ACOXL: variants seen among roughly 807,000 people sequenced by gnomAD.
ACOXL encodes acyl-coenzyme A oxidase-like protein.
In ACOXL, 70 loss-of-function variants were observed where a neutral mutation model predicts 71.9. The ratio of observed to expected loss-of-function variants is 0.97; its 90% CI spans 0.80 to 1.19. The LOEUF (loss-of-function observed/expected upper bound fraction) is 1.19. Among genes scored for constraint, ACOXL ranks in the 50% most tolerant of loss-of-function variants. The pLI, the probability that ACOXL is intolerant of heterozygous loss-of-function variation, is 0.00. For synonymous variants in ACOXL, 253 were observed against 281.6 expected, an observed-to-expected ratio of 0.90 and a Z score of 1.02; for missense variants, 703 against 736.3, an observed-to-expected ratio of 0.95 and a Z score of 0.52.
rs147563699 is a variant in ACOXL at position 110,770,948 on chromosome 2, C to G, written c.75+2484C>G. Among the ~76,000 whole-genome samples the G allele has an allele frequency of 2.5e-3, 375 of 152,306 alleles. 1 individual carries two copies. The highest frequency in any genetic ancestry group is 8.4e-3 in the African/African-American group (350 of 41,564). On this transcript the variant is annotated intron_variant, in intron 2 of 17. Transcript: ENST00000439055. ...CTCTGTAATCTCGCTCCTGATGAAG[C>G]GTGTTGAGCTCTGGATCCAATTATC...
chr2:111,044,455 G>A (rs62163299), intron 15 of ACOXL, among the ~76,000 whole-genome samples: 41,713 of 152,190 alleles, frequency 0.27, 5,935 homozygotes, highest in Middle Eastern at 0.32. Context: ...AAGCTTAGCC[G>A]CAGGGGCAGG....
chr2:110,955,254 T>C (rs1188875322), intron 12 of ACOXL, among the ~76,000 whole-genome samples: 1 of 152,028 alleles, frequency 6.6e-6, no homozygotes, highest in African/African-American at 2.4e-5. Flanking sequence ...GCCTCTGCAG[T>C]TTTGATTCTG....
At chr2:110,750,856 T>G (rs929541417) in intron 1 of ACOXL, among the ~76,000 whole-genome samples, 2 of 151,870 alleles carry the variant, frequency 1.3e-5, no homozygotes, top group Admixed American at 6.5e-5. Flanking sequence ...CACTAATTTT[T>G]GTATTTTTTG....
At position 111,117,782 on chromosome 2, in the gene ACOXL, G is replaced by A; in HGVS notation, c.1709G>A (p.Arg570His). The A allele has an allele frequency of 1.3e-6, 2 of 1,550,652 alleles. No homozygotes were observed. The highest frequency in any genetic ancestry group is 1.4e-5 in the African/African-American group (1 of 73,166). Residue 570 changes from arginine (R) to histidine (H), a missense_variant, in exon 18 of 18, where the codon CGC becomes CAC. Transcript: ENST00000439055. Reference sequence around the variant, plus strand: ...CAGCCGCGGCCACGGGAAGAGGCGCGCTCCCGGCGGCCCAAGCTGGGAGCC... The same window carrying A: ...CAGCCGCGGCCACGGGAAGAGGCGCACTCCCGGCGGCCCAAGCTGGGAGCC... Reference protein sequence around the residue: ...PLQPRPREEARSRRPKLGAKL With the variant: ...PLQPRPREEAHSRRPKLGAKL
At position 110,818,860 on chromosome 2, in the gene ACOXL, C is replaced by T. The variant is rs1688281076; in HGVS notation, c.753+13465C>T. Among the ~76,000 whole-genome samples, 3 of 64,464 alleles carry T rather than the reference C, an allele frequency of 4.7e-5. 1 individual carries two copies. Among genetic ancestry groups the T allele is most frequent in the Admixed American group, 3.0e-4 (2 of 6,598 alleles). The allele number at this position is 64,464 out of a possible 152,430, so 42.3% of individuals were successfully genotyped here. A position where few individuals can be genotyped will look rare whatever the true frequency, so the allele number is the denominator to read the frequency against. ...AGCACCCTGGGAGCACACGGAAGCT[C>T]GTGATCAGCCAAAGCTGACCTGGCT... On this transcript the variant is annotated intron_variant, in intron 9 of 17. Transcript: ENST00000439055.
chr2:111,095,412 G>A (rs1373280681), intron 17 of ACOXL, among the ~76,000 whole-genome samples: 8 of 92,436 alleles, frequency 8.7e-5, no homozygotes, highest in South Asian at 3.5e-4. Context: ...TTTTTTTTGA[G>A]TTGGAGTCTT....
At chr2:110,812,560 C>T (rs933076019) in intron 9 of ACOXL, among the ~76,000 whole-genome samples, 4 of 152,112 alleles carry the variant, frequency 2.6e-5, no homozygotes, top group African/African-American at 9.7e-5. Context: ...GAGAACATGC[C>T]GTATTTGGTT....
chr2:111,051,948 T>C (rs1325260327), intron 16 of ACOXL, among the ~76,000 whole-genome samples: 2 of 152,080 alleles, frequency 1.3e-5, no homozygotes, highest in Non-Finnish European at 2.9e-5. Context: ...TAATTTTGAC[T>C]CAAGTCAAAA....
At chr2:110,882,883 G>A (rs1696831383) in intron 10 of ACOXL, among the ~76,000 whole-genome samples, 1 of 152,114 alleles carries the variant, frequency 6.6e-6, no homozygotes, top group Non-Finnish European at 1.5e-5. Context: ...CCAGCTATTG[G>A]AGTAAAAGAC....
At chr2:110,770,308 A>G (rs903367588) in intron 2 of ACOXL, among the ~76,000 whole-genome samples, 12 of 152,194 alleles carry the variant, frequency 7.9e-5, no homozygotes, top group African/African-American at 2.9e-4. Flanking sequence ...CCTGGGATCC[A>G]TGCTTGAAAG....
chr2:111,082,782 C>T (rs2067995199), intron 16 of ACOXL, among the ~76,000 whole-genome samples: 1 of 152,148 alleles, frequency 6.6e-6, no homozygotes, highest in Non-Finnish European at 1.5e-5. Flanking sequence ...TTGGAACCAA[C>T]CCAAATGCCC....
chr2:111,049,332 G>A (rs201335093), intron 16 of ACOXL, 44 bp downstream of exon 16: 97 of 1,453,512 alleles, frequency 6.7e-5, no homozygotes, highest in African/African-American at 8.4e-5. Flanking sequence ...GGCTCAGAGC[G>A]TTTTTATTGC....
intron 17 of ACOXL, among the ~76,000 whole-genome samples, chr2:111,109,918 A>G (rs990153884): frequency 2.0e-5 from 3 of 152,094 alleles, no homozygotes; most frequent in African/African-American, 4.8e-5. Context: ...GCTTCAAGCA[A>G]TCCACCCGCC....
intron 10 of ACOXL, among the ~76,000 whole-genome samples, chr2:110,893,917 A>C (rs903283151): frequency 6.6e-6 from 1 of 152,126 alleles, no homozygotes; most frequent in African/African-American, 2.4e-5. Flanking sequence ...ATATTTTTTA[A>C]AGGGAGAAAA....
intron 12 of ACOXL, among the ~76,000 whole-genome samples, chr2:110,937,629 A>T (rs943741923): frequency 1.3e-5 from 2 of 152,214 alleles, no homozygotes; most frequent in African/African-American, 2.4e-5. Flanking sequence ...TACATGCTGC[A>T]TCTTCAGGTT....
chr2:110,951,689 A>G lies in ACOXL; in HGVS notation c.1059+18047A>G, dbSNP rs73956482. On this transcript the variant is annotated intron_variant, in intron 12 of 17. Transcript: ENST00000439055. ...TTATTGAGTGGTTTTAAAATTAAAT[A>G]TATTCATTTTATGGAATTATTTATC... is the stretch of plus-strand genomic sequence containing the variant. 1.9e-3 allele frequency among the ~76,000 whole-genome samples: 297 copies of G among 152,326 alleles called. 1 individual carries two copies. The highest frequency in any genetic ancestry group is 7.0e-3 in the African/African-American group (289 of 41,566).
intron 1 of ACOXL, among the ~76,000 whole-genome samples, chr2:110,735,857 T>G (rs1222221028): frequency 2.6e-5 from 4 of 152,146 alleles, no homozygotes; most frequent in African/African-American, 9.7e-5. Flanking sequence ...TTTTCTGAGT[T>G]TGTTTATTGG....
At position 110,805,261 on chromosome 2, in the gene ACOXL, AG is replaced by A. The variant is rs1436851753; in HGVS notation, c.621del. 2.5e-6 allele frequency: 4 copies of A among 1,613,736 alleles called. No homozygotes were observed. Among genetic ancestry groups the A allele is most frequent in the Non-Finnish European group, 1.7e-6 (2 of 1,179,836 alleles). ...GTGAAACCCCACCTCTCTTTTCCAC[AG>A]GTTTGGTTCCGTGGCTCCAGATGGA... On this transcript the variant is annotated splice_acceptor_variant, in intron 8 of 17. Coordinates refer to ENST00000439055, the MANE Select transcript of ACOXL (RefSeq NM_001142807.4). LOFTEE classifies it high-confidence loss of function.
intron 12 of ACOXL, among the ~76,000 whole-genome samples, chr2:110,951,306 A>G (rs1214897684): frequency 6.6e-6 from 1 of 152,254 alleles, no homozygotes; most frequent in African/African-American, 2.4e-5. Context: ...TATAATCAAC[A>G]ACCTAGTTAA....
Sources: gnomAD v4.1 joint callset for allele counts (sites outside exome capture counted in the v4.1 genomes callset) on GRCh38, gnomAD v4.1.1 for gene constraint, MANE v1.5 for transcripts, NCBI Gene and HGNC (gene_info 2026-07-23, HGNC 2026-07-21) for gene names.